MED27: variants seen among roughly 807,000 people sequenced by gnomAD.
The protein encoded by MED27 is mediator complex subunit 27.
In MED27, 30 loss-of-function variants were observed where a neutral mutation model predicts 38.2. The observed-to-expected ratio is 0.79, with a 90% CI of 0.59 to 1.07. The LOEUF is 1.07. MED27 is among the 50% of genes least tolerant of loss of function. MED27 has a pLI of 0.00. For missense variants in MED27, 289 were observed against 397.5 expected (o/e 0.73, Z 2.32); for synonymous variants, 122 against 153.5 (o/e 0.79, Z 1.52).
intron 3 of MED27, among the ~76,000 whole-genome samples, chr9:131,942,147 A>C (rs1479161562): frequency 1.3e-5 from 2 of 152,000 alleles, no homozygotes; most frequent in East Asian, 3.9e-4. Context: ...TTAATAGTTT[A>C]ATAAACAATC....
chr9:132,031,733 T>C (rs562293364), intron 2 of MED27, among the ~76,000 whole-genome samples: 1 of 152,274 alleles, frequency 6.6e-6, no homozygotes, highest in Admixed American at 6.5e-5. Context: ...TGTAGTATTA[T>C]TTATTTGCCT....
chr9:131,868,768 C>G, intron 6 of MED27: 1 of 985,490 alleles, frequency 1.0e-6, no homozygotes, highest in Non-Finnish European at 1.2e-6. Context: ...AGGGCTGTGG[C>G]CAGCAGCTGC....
At chr9:131,885,683 T>A (rs2131488965) in intron 5 of MED27, among the ~76,000 whole-genome samples, 1 of 152,310 alleles carries the variant, frequency 6.6e-6, no homozygotes, top group East Asian at 1.9e-4. Context: ...TTTACTGGTT[T>A]GCATGATATA....
intron 4 of MED27, among the ~76,000 whole-genome samples, chr9:131,900,906 G>A (rs553126612): frequency 6.6e-6 from 1 of 151,126 alleles, no homozygotes; most frequent in Admixed American, 6.6e-5. Context: ...TCCAAGTACA[G>A]CAGAAAGAAA....
At chr9:131,970,135 AG>A (rs1831443461) in intron 3 of MED27, among the ~76,000 whole-genome samples, 1 of 152,258 alleles carries the variant, frequency 6.6e-6, no homozygotes, top group African/African-American at 2.4e-5. Flanking sequence ...AGGTCCTCTG[AG>A]GGTGTGCATG....
intron 3 of MED27, among the ~76,000 whole-genome samples, chr9:131,974,859 G>T (rs1831569912): frequency 6.6e-6 from 1 of 152,156 alleles, no homozygotes; most frequent in African/African-American, 2.4e-5. Flanking sequence ...TACCTCATTT[G>T]CTGTCACTTC....
chr9:131,966,980 C>CAGT (rs1342806188), intron 3 of MED27, among the ~76,000 whole-genome samples: 3 of 152,220 alleles, frequency 2.0e-5, no homozygotes, highest in Admixed American at 2.0e-4. Flanking sequence ...TCTTGTATCT[C>CAGT]AGTTTCTTCA....
intron 3 of MED27, among the ~76,000 whole-genome samples, chr9:131,943,433 C>T (rs1057174243): frequency 6.6e-5 from 10 of 152,098 alleles, no homozygotes; most frequent in Non-Finnish European, 1.5e-4. Context: ...AGTGCTGCCT[C>T]CCGAGACGGT....
chr9:132,000,178 T>C (rs1302227338), intron 3 of MED27, among the ~76,000 whole-genome samples: 2 of 151,756 alleles, frequency 1.3e-5, no homozygotes, highest in Non-Finnish European at 2.9e-5. Context: ...GAATTTCCCT[T>C]CATGGAAAAA....
intron 4 of MED27, among the ~76,000 whole-genome samples, chr9:131,921,743 C>T (rs1830395652): frequency 2.0e-5 from 3 of 152,294 alleles, no homozygotes; most frequent in Middle Eastern, 3.4e-3. Context: ...TACTGCGGCA[C>T]TATTCACAAT....
chr9:131,953,748 A>G (rs897516764), intron 3 of MED27, among the ~76,000 whole-genome samples: 15 of 152,018 alleles, frequency 9.9e-5, no homozygotes, highest in Non-Finnish European at 1.9e-4. Context: ...TCGTTCCAAA[A>G]GGGTTTTGCC....
chr9:132,073,465 T>C (rs963835708), intron 2 of MED27: 57 of 1,149,416 alleles, frequency 5.0e-5, no homozygotes, highest in Non-Finnish European at 5.8e-5. Context: ...AAGATGGACA[T>C]GGTGCCTCTC....
At chr9:131,978,115 TC>T (rs1831647668) in intron 3 of MED27, among the ~76,000 whole-genome samples, 1 of 152,146 alleles carries the variant, frequency 6.6e-6, no homozygotes, top group Admixed American at 6.5e-5. Flanking sequence ...ATGACTCTGA[TC>T]AAGCATCTTC....
At chr9:132,014,193 G>C (rs968092009) in intron 3 of MED27, 144 bp downstream of exon 3, 14 of 880,140 alleles carry the variant, frequency 1.6e-5, no homozygotes, top group Non-Finnish European at 2.4e-5. Context: ...TTCCAGCCAG[G>C]GTGAAAAAGT....
chr9:132,070,400 T>A (rs1173612245), intron 2 of MED27, among the ~76,000 whole-genome samples: 1 of 152,032 alleles, frequency 6.6e-6, no homozygotes, highest in African/African-American at 2.4e-5. Flanking sequence ...CTACAAAAAA[T>A]TTAAAAATTA....
At chr9:132,001,822 C>T (rs545701056) in intron 3 of MED27, among the ~76,000 whole-genome samples, 4 of 152,234 alleles carry the variant, frequency 2.6e-5, no homozygotes, top group East Asian at 1.9e-4. Flanking sequence ...GAGCCTCCAT[C>T]GCTGGAGCAA....
At chr9:132,077,313 A>C in intron 2 of MED27, 129 bp downstream of exon 2, 1 of 936,168 alleles carries the variant, frequency 1.1e-6, no homozygotes, top group Non-Finnish European at 1.6e-6. Flanking sequence ...TACAACTTCC[A>C]ACTCTATAAC....
intron 3 of MED27, among the ~76,000 whole-genome samples, chr9:131,972,653 G>A (rs1010309232): frequency 6.6e-6 from 1 of 152,216 alleles, no homozygotes; most frequent in East Asian, 1.9e-4. Flanking sequence ...AATGAAGAGA[G>A]ACTCAGGTAG....
chr9:132,054,923 G>A (rs1045864814), intron 2 of MED27, among the ~76,000 whole-genome samples: 1 of 152,054 alleles, frequency 6.6e-6, no homozygotes, highest in Non-Finnish European at 1.5e-5. Flanking sequence ...TCACCCTTTG[G>A]GGCAGGCCAA....
Sources: allele counts gnomAD v4.1 joint callset (sites outside exome capture counted in the v4.1 genomes callset), GRCh38; gene constraint gnomAD v4.1.1; transcripts MANE v1.5; gene names NCBI Gene and HGNC (gene_info 2026-07-23, HGNC 2026-07-21).